B4GALT4: variants seen among roughly 807,000 people sequenced by gnomAD.
B4GALT4 encodes beta-1,4-galactosyltransferase 4, also known as N-acetyllactosamine synthase.
A neutral mutation model predicts 37.3 loss-of-function variants in B4GALT4; 27 were observed. That is an observed-to-expected ratio of 0.72 (90% confidence interval 0.53 to 1.00). The LOEUF is 1.00. Ranked by LOEUF, B4GALT4 falls within the 50% of genes least tolerant of loss-of-function variation. The pLI, the probability that B4GALT4 is intolerant of heterozygous loss-of-function variation, is 0.00. For synonymous variants in B4GALT4, 148 were observed against 154.1 expected, an observed-to-expected ratio of 0.96 and a Z score of 0.29; for missense variants, 372 against 413.1, an observed-to-expected ratio of 0.90 and a Z score of 0.86.
Position 119,218,697 on chromosome 3 carries a change from A to T in B4GALT4, c.750T>A (p.Ser250=). The T allele has an allele frequency of 6.2e-7, 1 of 1,614,212 alleles. No individual in the cohort carries two copies. The highest frequency in any genetic ancestry group is 8.5e-7 in the Non-Finnish European group (1 of 1,180,020). Residue 250 remains serine, a synonymous_variant, in exon 6 of 8, where the codon TCT becomes TCA. Transcript: ENST00000393765. ...CGCCTCCCCATCCCCAGTAGTTGTT[A>T]GAGAATCCATTCACCTTGAAAAACT... The part of the protein sequence containing the change: ...REQFFKVNGF[S]NNYWGWGGED...
chr3:119,238,696 AC>A (rs984114136), intron 1 of B4GALT4, among the ~76,000 whole-genome samples: 2 of 152,162 alleles, frequency 1.3e-5, no homozygotes, highest in Non-Finnish European at 2.9e-5. Flanking sequence ...ATAGAAAAAA[AC>A]AGCGTATATA....
At chr3:119,232,093 G>T (rs1000336401) in intron 2 of B4GALT4, among the ~76,000 whole-genome samples, 1 of 151,970 alleles carries the variant, frequency 6.6e-6, no homozygotes, top group African/African-American at 2.4e-5. Flanking sequence ...TTAGTTTGAA[G>T]GAAACCTAGA....
intron 6 of B4GALT4, among the ~76,000 whole-genome samples, chr3:119,217,811 C>T (rs959415162): frequency 6.8e-6 from 1 of 147,778 alleles, no homozygotes; most frequent in African/African-American, 2.5e-5. Flanking sequence ...TCACTGCACT[C>T]CAGCCTGGGT....
rs576657526 is a variant in B4GALT4, at chr3:119,231,749, T to A, written c.-145-1505A>T. Among the ~76,000 whole-genome samples the A allele has an allele frequency of 4.3e-3, 628 of 144,960 alleles. 3 individuals carry two copies. Among genetic ancestry groups the A allele is most frequent in the African/African-American group, 0.015 (597 of 39,898 alleles). On this transcript the variant is annotated intron_variant, in intron 2 of 7. Coordinates refer to ENST00000393765, the MANE Select transcript of B4GALT4 (RefSeq NM_003778.4). ...TAATTTTTATTTTTATAAAATTTATTTTATAAATTTTATTTTATTTAATAA... is the reference window on the plus strand; with the variant it reads ...TAATTTTTATTTTTATAAAATTTATATTATAAATTTTATTTTATTTAATAA...
At chr3:119,221,544 C>T (rs867536687) in intron 5 of B4GALT4, among the ~76,000 whole-genome samples, 6 of 152,276 alleles carry the variant, frequency 3.9e-5, no homozygotes, top group Middle Eastern at 6.8e-3. Flanking sequence ...ATCAAGTAGT[C>T]CAGGAGGAAG....
Position 119,218,772 on chromosome 3 carries a change from C to T in B4GALT4, c.675G>A (p.Arg225=), listed in dbSNP as rs746921838. 3 of 1,613,982 alleles carry T rather than the reference C, an allele frequency of 1.9e-6. No individual in the cohort carries two copies. The highest frequency in any genetic ancestry group is 2.5e-6 in the Non-Finnish European group (3 of 1,179,984). The change falls in exon 6 of 8, where the codon AGG becomes AGA. Residue 225 remains arginine (R), a splice_region_variant and synonymous_variant. Transcript: ENST00000393765. The part of the protein sequence containing the change: ...LVVGRNSTGY[R]LRYSGYFGGV... ...CCCCAAAATATCCACTGTAACGTAA[C>T]CTGGAGCAAAAGAGATGAGAGAAAT... is the stretch of plus-strand genomic sequence containing the variant.
Position 119,218,774 on chromosome 3 carries a change from TG to T in B4GALT4, c.675-3del. On this transcript the variant is annotated splice_region_variant and splice_polypyrimidine_tract_variant and intron_variant, in intron 5 of 7. Transcript: ENST00000393765. ...CCAAAATATCCACTGTAACGTAACC[TG>T]GAGCAAAAGAGATGAGAGAAATGGT... The T allele has an allele frequency of 6.2e-7, 1 of 1,613,968 alleles. No homozygotes were observed. Among genetic ancestry groups the T allele is most frequent in the Non-Finnish European group, 8.5e-7 (1 of 1,179,968 alleles).
intron 7 of B4GALT4, 171 bp from the exon 8 acceptor site, chr3:119,212,852 ATGTATTCATG>A: frequency 1.6e-6 from 1 of 629,444 alleles, no homozygotes; most frequent in Non-Finnish European, 2.6e-6. Context: ...CATGATAGCC[ATGTATTCATG>A]TGTCAGACTC....
rs200359639 is a variant in B4GALT4 at position 119,224,029 on chromosome 3, C to G, written c.674+29G>C. 1.9e-4 allele frequency: 299 copies of G among 1,581,480 alleles called. 1 individual carries two copies. In the Middle Eastern group the frequency reaches 5.4e-3, roughly 29 times the overall value. On this transcript the variant is annotated intron_variant, in intron 5 of 7. Transcript: ENST00000393765. Reference sequence around the variant, plus strand: ...GATCACAATAGTTGAGCTTCTCGACCTAAGCCACCCTCAGCAGAACCACCT... The same window carrying G: ...GATCACAATAGTTGAGCTTCTCGACGTAAGCCACCCTCAGCAGAACCACCT...
intron 7 of B4GALT4, chr3:119,214,135 G>A (rs2078231078): frequency 1.3e-5 from 2 of 152,302 alleles, no homozygotes; most frequent in South Asian, 4.1e-4. Flanking sequence ...GCTGAGCTTG[G>A]AGGATTGCTT....
chr3:119,228,812 G>A (rs868231227), intron 3 of B4GALT4, among the ~76,000 whole-genome samples: 1 of 138,152 alleles, frequency 7.2e-6, no homozygotes, highest in Non-Finnish European at 1.6e-5. Flanking sequence ...TGCCAGGTGG[G>A]ATTAAAGCAC....
chr3:119,215,858 A>G (rs1005810310), intron 7 of B4GALT4: 1 of 153,494 alleles, frequency 6.5e-6, no homozygotes, highest in African/African-American at 2.4e-5. Flanking sequence ...CACTGACTAG[A>G]CATTTGATGA....
chr3:119,230,330 C>G, intron 2 of B4GALT4, 86 bp from the exon 3 acceptor site: 1 of 569,196 alleles, frequency 1.8e-6, no homozygotes, highest in East Asian at 3.1e-5. Flanking sequence ...GAAAACCCAT[C>G]CCCGATGGAC....
intron 7 of B4GALT4, chr3:119,213,292 T>C (rs2078208686): frequency 6.6e-6 from 1 of 152,144 alleles, no homozygotes; most frequent in Admixed American, 6.5e-5. Flanking sequence ...GCAGGATGCA[T>C]TTAAAGAAGT....
At chr3:119,235,937 A>AG (rs1421542840) in intron 2 of B4GALT4, among the ~76,000 whole-genome samples, 1 of 152,230 alleles carries the variant, frequency 6.6e-6, no homozygotes, top group African/African-American at 2.4e-5. Flanking sequence ...CTCTTTTCTT[A>AG]AATTCCAACT....
At position 119,230,229 on chromosome 3, in the gene B4GALT4, G is replaced by T; in HGVS notation, c.-130C>A. The T allele has an allele frequency of 8.3e-7, 1 of 1,207,878 alleles. No individual in the cohort carries two copies. The highest frequency in any genetic ancestry group is 1.2e-6 in the Non-Finnish European group (1 of 861,532). The allele number at this position is 1,207,878 out of a possible 1,614,324, so 74.8% of individuals were successfully genotyped here. A position where few individuals can be genotyped will look rare whatever the true frequency, so the allele number is the denominator to read the frequency against. ...ATACAATGCCTGGTTTTTCTCAGTA[G>T]TTCTGCTCCAACAGTCTAAAACGCA... is the stretch of plus-strand genomic sequence containing the variant. On this transcript the variant is annotated 5_prime_UTR_variant, in exon 3 of 8. Coordinates refer to ENST00000393765, the MANE Select transcript of B4GALT4 (RefSeq NM_003778.4).
chr3:119,226,905 G>GT lies in B4GALT4; in HGVS notation c.389dup (p.His130GlnfsTer35). The GT allele has an allele frequency of 6.2e-7, 1 of 1,614,176 alleles. No homozygotes were observed. On this transcript the variant is annotated frameshift_variant, in exon 4 of 8. Coordinates refer to ENST00000393765, the MANE Select transcript of B4GALT4 (RefSeq NM_003778.4). LOFTEE classifies it high-confidence loss of function. Reference sequence around the variant, plus strand: ...ACATCAGGTGTTTCTCTCTGTTCCGGTGGGGAACGAGGATGGCGACCCTCT... The same window carrying GT: ...ACATCAGGTGTTTCTCTCTGTTCCGGTTGGGGAACGAGGATGGCGACCCTCT...
chr3:119,240,381 G>C (rs1249040732), intron 1 of B4GALT4: 3 of 152,260 alleles, frequency 2.0e-5, no homozygotes, highest in African/African-American at 7.2e-5. Context: ...AAAGGTCAAA[G>C]GTCGCCGGCC....
intron 5 of B4GALT4, among the ~76,000 whole-genome samples, chr3:119,219,421 G>A (rs534652158): frequency 6.6e-6 from 1 of 152,324 alleles, no homozygotes; most frequent in East Asian, 1.9e-4. Context: ...ACAAGAATTA[G>A]GTTTTGAAAG....
Sources: allele counts gnomAD v4.1 joint callset (sites outside exome capture counted in the v4.1 genomes callset), GRCh38; gene constraint gnomAD v4.1.1; transcripts MANE v1.5; gene names NCBI Gene and HGNC (gene_info 2026-07-23, HGNC 2026-07-21).